PREX2: variants seen among roughly 807,000 people sequenced by gnomAD.
PREX2 encodes phosphatidylinositol 3,4,5-trisphosphate-dependent Rac exchanger 2 protein.
PREX2 carries 107 observed loss-of-function variants against 203.2 expected under a neutral mutation model. The observed-to-expected ratio is 0.53, with a 90% CI of 0.45 to 0.62. PREX2 has a LOEUF of 0.62. Among genes scored for constraint, PREX2 ranks in the 20% least tolerant of loss-of-function variants. The pLI, the probability that PREX2 is intolerant of heterozygous loss-of-function variation, is 0.00. For synonymous variants in PREX2, 672 were observed against 663.6 expected (o/e 1.01, Z -0.19); for missense variants, 1,777 against 1,955.9 (o/e 0.91, Z 1.72).
At chr8:68,118,344 A>G (rs1213207298) in intron 26 of PREX2, among the ~76,000 whole-genome samples, 2 of 151,120 alleles carry the variant, frequency 1.3e-5, no homozygotes, top group Non-Finnish European at 2.9e-5. Flanking sequence ...GACAGAGCGA[A>G]ACTCCGTCTC....
chr8:68,217,524 G>T (rs995895890), intron 37 of PREX2, 92 bp from the exon 38 acceptor site: 2 of 872,624 alleles, frequency 2.3e-6, no homozygotes, highest in African/African-American at 1.7e-5. Context: ...ATTTTGGCTG[G>T]TGCTTTCTGA....
rs532990948 is a variant in PREX2, at chr8:67,993,022, C to T, written c.142-24824C>T. 1.5e-3 allele frequency among the ~76,000 whole-genome samples: 224 copies of T among 152,328 alleles called. 1 individual carries two copies. Among genetic ancestry groups the T allele is most frequent in the African/African-American group, 5.1e-3 (210 of 41,572 alleles). On this transcript the variant is annotated intron_variant, in intron 1 of 39. Coordinates refer to ENST00000288368, the MANE Select transcript of PREX2 (RefSeq NM_024870.4). ...ACTGCTTATTTTATAACTTGAACCA[C>T]TTGAAACTATCCTTGGCTTACGTTT...
At chr8:67,967,538 C>G (rs371788370) in intron 1 of PREX2, among the ~76,000 whole-genome samples, 1 of 152,150 alleles carries the variant, frequency 6.6e-6, no homozygotes, top group Non-Finnish European at 1.5e-5. Flanking sequence ...GAACCCAGCA[C>G]GCTGTGCAGT....
chr8:68,053,352 T>C, intron 9 of PREX2, 106 bp downstream of exon 9: 2 of 1,206,168 alleles, frequency 1.7e-6, no homozygotes, highest in Non-Finnish European at 1.2e-6. Context: ...TGATGGTCAC[T>C]TGATTTATTA....
chr8:68,093,125 T>C (rs902139868), intron 20 of PREX2, among the ~76,000 whole-genome samples: 2 of 152,094 alleles, frequency 1.3e-5, no homozygotes, highest in African/African-American at 4.8e-5. Context: ...GCGCAGTAGC[T>C]CCTGCCTGTA....
intron 1 of PREX2, among the ~76,000 whole-genome samples, chr8:68,016,538 T>A (rs1435012033): frequency 6.6e-6 from 1 of 152,184 alleles, no homozygotes; most frequent in Non-Finnish European, 1.5e-5. Context: ...ATACAATGAA[T>A]CCCCTTGTTT....
intron 35 of PREX2, among the ~76,000 whole-genome samples, chr8:68,187,194 C>T (rs986438781): frequency 5.9e-5 from 9 of 152,258 alleles, no homozygotes; most frequent in African/African-American, 1.9e-4. Context: ...AGAGCTGCAC[C>T]TAGTTAAGCC....
In PREX2 at chr8:68,109,402, C is replaced by T. The variant is rs978384382; in HGVS notation, c.2939-14C>T. On this transcript the variant is annotated splice_polypyrimidine_tract_variant and intron_variant, in intron 24 of 39. Transcript: ENST00000288368. ...GGTGATACATATTACTAAGGAATGACTTTAATTCCTCAGGGAAACTGAGCC... is the reference window on the plus strand; with the variant it reads ...GGTGATACATATTACTAAGGAATGATTTTAATTCCTCAGGGAAACTGAGCC... 6.2e-7 allele frequency: 1 copy of T among 1,600,652 alleles called. No homozygotes were observed. The highest frequency in any genetic ancestry group is 1.3e-5 in the African/African-American group (1 of 74,530).
chr8:68,032,311 C>T (rs540329231), intron 6 of PREX2, among the ~76,000 whole-genome samples: 58 of 152,206 alleles, frequency 3.8e-4, no homozygotes, highest in Non-Finnish European at 6.0e-4. Context: ...AAATAGCTGT[C>T]GTTTTTAAAT....
chr8:68,177,343 A>G lies in PREX2; in HGVS notation c.4347-14379A>G, dbSNP rs183118313. 4 of 152,366 alleles carry G rather than the reference A, an allele frequency of 2.6e-5. No homozygotes were observed. The East Asian group carries it at 7.7e-4, about 29-fold the overall frequency. 9.4% of individuals were successfully genotyped at this position (152,366 alleles called of 1,614,324 possible). A position where few individuals can be genotyped will look rare whatever the true frequency, so the allele number is the denominator to read the frequency against. Reference sequence around the variant, plus strand: ...GAGACTAAGGCAATAGGATCACTTGAGGGCAGGAGTTTGAGACCTGCCTGG... The same window carrying G: ...GAGACTAAGGCAATAGGATCACTTGGGGGCAGGAGTTTGAGACCTGCCTGG... On this transcript the variant is annotated intron_variant, in intron 35 of 39. Coordinates refer to ENST00000288368, the MANE Select transcript of PREX2 (RefSeq NM_024870.4).
intron 38 of PREX2, among the ~76,000 whole-genome samples, chr8:68,224,157 C>A (rs2129615476): frequency 1.3e-5 from 2 of 152,102 alleles, no homozygotes; most frequent in South Asian, 2.1e-4. Flanking sequence ...TAGCTGGGAC[C>A]ACAATTGCGT....
At position 68,030,633 on chromosome 8, in the gene PREX2, G is replaced by T; in HGVS notation, c.680G>T (p.Trp227Leu). The stretch of plus-strand genomic sequence containing the variant: ...GAGAAGTTAGAAGTTTTAGAGGAAT[G>T]GCAGTCTCACATTGAAGGCTGGGAG... The part of the protein sequence containing the change: ...QMEKLEVLEE[W>L]QSHIEGWEGS... The change falls in exon 6 of 40, where the codon TGG becomes TTG. Residue 227 changes from tryptophan to leucine, a missense_variant. Physicochemically the swap from Trp to Leu is moderately conservative, Grantham distance 61 (BLOSUM62 -2). Transcript: ENST00000288368. 6.2e-7 allele frequency: 1 copy of T among 1,613,622 alleles called. No homozygotes were observed. The highest frequency in any genetic ancestry group is 8.5e-7 in the Non-Finnish European group (1 of 1,179,628).
At chr8:68,113,400 T>TTGGA (rs1160120868) in intron 25 of PREX2, among the ~76,000 whole-genome samples, 1 of 152,192 alleles carries the variant, frequency 6.6e-6, no homozygotes, top group Admixed American at 6.5e-5. Context: ...GTATTCAGAG[T>TTGGA]TCATCTGTCT....
intron 1 of PREX2, among the ~76,000 whole-genome samples, chr8:67,984,259 C>T (rs1032458035): frequency 2.0e-5 from 3 of 152,086 alleles, no homozygotes; most frequent in Non-Finnish European, 4.4e-5. Flanking sequence ...ACATCCGTGT[C>T]CCCTACTGGA....
chr8:68,123,134 G>A (rs897608390), intron 30 of PREX2, among the ~76,000 whole-genome samples: 2 of 152,054 alleles, frequency 1.3e-5, no homozygotes, highest in African/African-American at 2.4e-5. Context: ...TTGTGTGGGA[G>A]TCTAAGACTC....
chr8:68,021,546 A>C (rs1462302188), intron 3 of PREX2, among the ~76,000 whole-genome samples: 2 of 151,974 alleles, frequency 1.3e-5, no homozygotes, highest in Non-Finnish European at 2.9e-5. Context: ...GTGTTTCTCT[A>C]TTTCTATATG....
intron 29 of PREX2, 152 bp from the exon 30 acceptor site, chr8:68,120,769 A>C (rs1203096759): frequency 1.5e-6 from 1 of 645,940 alleles, no homozygotes; most frequent in African/African-American, 1.9e-5. Context: ...TTGACTTTTT[A>C]CATTTAACGG....
chr8:68,165,059 GC>G (rs1203501515), intron 35 of PREX2, among the ~76,000 whole-genome samples: 5 of 82,990 alleles, frequency 6.0e-5, no homozygotes, highest in Non-Finnish European at 6.9e-5. Context: ...TCTTACTTTT[GC>G]CTTTTTTTTT....
chr8:68,046,134 T>C (rs78023723), intron 8 of PREX2, among the ~76,000 whole-genome samples: 2,486 of 152,180 alleles, frequency 0.016, 50 homozygotes, highest in African/African-American at 0.053. Context: ...TTTTCTTCCA[T>C]TTTTGGCTTT....
Sources: gnomAD v4.1 joint callset for allele counts (sites outside exome capture counted in the v4.1 genomes callset) on GRCh38, gnomAD v4.1.1 for gene constraint, MANE v1.5 for transcripts, NCBI Gene and HGNC (gene_info 2026-07-23, HGNC 2026-07-21) for gene names.